Variants in KCNAB1 observed in about 807,000 individuals in gnomAD.
KCNAB1 encodes the protein voltage-gated potassium channel subunit beta-1.
Under a neutral mutation model 64.6 loss-of-function variants are expected in KCNAB1, and 35 were observed. The ratio of observed to expected loss-of-function variants is 0.54; its 90% CI spans 0.41 to 0.72. The LOEUF is 0.72. Ranked by LOEUF, KCNAB1 falls within the 30% of genes least tolerant of loss-of-function variation. The pLI, the probability that KCNAB1 is intolerant of heterozygous loss-of-function variation, is 0.00. For missense variants in KCNAB1, 401 were observed against 512.9 expected, an observed-to-expected ratio of 0.78 and a Z score of 2.11; for synonymous variants, 177 against 183.8, an observed-to-expected ratio of 0.96 and a Z score of 0.30.
chr3:156,329,352 G>A (rs992416024), intron 1 of KCNAB1, among the ~76,000 whole-genome samples: 3 of 152,114 alleles, frequency 2.0e-5, no homozygotes, highest in African/African-American at 7.2e-5. Context: ...TGCTGGGGCA[G>A]GGGTGGGGGA....
chr3:156,143,185 C>T, intron 1 of KCNAB1: 7 of 1,589,770 alleles, frequency 4.4e-6, no homozygotes, highest in African/African-American at 1.4e-5. Context: ...AAACATGCAT[C>T]TGTATAAACC....
intron 1 of KCNAB1, among the ~76,000 whole-genome samples, chr3:156,405,392 G>A (rs190097103): frequency 3.1e-4 from 47 of 152,294 alleles, no homozygotes; most frequent in South Asian, 2.7e-3. Flanking sequence ...ACAAGGGTTC[G>A]TCTTACCCAT....
intron 1 of KCNAB1, among the ~76,000 whole-genome samples, chr3:156,329,487 G>A (rs138628904): frequency 0.014 from 2,145 of 152,200 alleles, 21 homozygotes; most frequent in South Asian, 0.031. Context: ...CCAACAGCTG[G>A]GCCTTATGCA....
At chr3:156,391,975 A>G (rs1404524978) in intron 1 of KCNAB1, among the ~76,000 whole-genome samples, 2 of 152,188 alleles carry the variant, frequency 1.3e-5, no homozygotes, top group East Asian at 1.9e-4. Flanking sequence ...TAGGTAAGAA[A>G]TACATCGATT....
At chr3:156,349,824 C>T (rs1266693858) in intron 1 of KCNAB1, among the ~76,000 whole-genome samples, 3 of 152,286 alleles carry the variant, frequency 2.0e-5, no homozygotes, top group East Asian at 3.9e-4. Context: ...GTCAGCCTCC[C>T]GAAGTGTTAG....
intron 8 of KCNAB1, among the ~76,000 whole-genome samples, chr3:156,486,359 G>A (rs573735179): frequency 6.6e-6 from 1 of 152,114 alleles, no homozygotes; most frequent in African/African-American, 2.4e-5. Context: ...TTGAGAGAGG[G>A]GAGTAAAGGG....
At chr3:156,176,165 T>C in intron 1 of KCNAB1, 1 of 772,692 alleles carries the variant, frequency 1.3e-6, no homozygotes, top group South Asian at 1.3e-5. Context: ...TCCATTGCAT[T>C]GGACAAGAGA....
intron 8 of KCNAB1, among the ~76,000 whole-genome samples, chr3:156,476,547 GCACA>G (rs1187608350): frequency 6.1e-4 from 74 of 120,958 alleles, no homozygotes; most frequent in Non-Finnish European, 1.0e-4. Flanking sequence ...ACACACACAC[GCACA>G]CACACACACA....
At chr3:156,476,580 T>C (rs527776364) in intron 8 of KCNAB1, among the ~76,000 whole-genome samples, 121 of 131,190 alleles carry the variant, frequency 9.2e-4, no homozygotes, top group African/African-American at 3.3e-3. Context: ...CACACACACA[T>C]ATATACACAC....
chr3:156,535,750 G>A (rs1038562542), intron 13 of KCNAB1, among the ~76,000 whole-genome samples: 7 of 152,016 alleles, frequency 4.6e-5, no homozygotes, highest in Non-Finnish European at 7.4e-5. Context: ...CTGCTCCACT[G>A]CCCTAGTTAA....
rs1039040189 is a variant in KCNAB1 at position 156,537,592 on chromosome 3, A to T, written c.*845A>T. ...GCTATGGAAACTTAGCTTCAAAGAAAATGCAATGTATCTGCAATTAGGTGT... is the reference window on the plus strand; with the variant it reads ...GCTATGGAAACTTAGCTTCAAAGAATATGCAATGTATCTGCAATTAGGTGT... On this transcript the variant is annotated 3_prime_UTR_variant, in exon 14 of 14. Coordinates refer to ENST00000490337, the MANE Select transcript of KCNAB1 (RefSeq NM_172160.3). 1 of 152,698 alleles carries T rather than the reference A, an allele frequency of 6.5e-6. No homozygotes were observed. The highest frequency in any genetic ancestry group is 2.4e-5 in the African/African-American group (1 of 41,470). The allele number at this position is 152,698 out of a possible 1,614,324, so 9.5% of individuals were successfully genotyped here. A position where few individuals can be genotyped will look rare whatever the true frequency, so the allele number is the denominator to read the frequency against.
At chr3:156,210,459 C>CAGAT (rs1234849314) in intron 1 of KCNAB1, among the ~76,000 whole-genome samples, 3 of 152,176 alleles carry the variant, frequency 2.0e-5, no homozygotes, top group Non-Finnish European at 4.4e-5. Flanking sequence ...AGGGCTCCAG[C>CAGAT]AGATAGAGGT....
rs540015790 is a variant in KCNAB1 at position 156,220,589 on chromosome 3, T to G, written c.275+99703T>G. On this transcript the variant is annotated intron_variant, in intron 1 of 13. Transcript: ENST00000490337. Reference sequence around the variant, plus strand: ...TTTGATTTTTTCTTGTAAATTTGTTTAAGTTCTTTGTAGATTCTGGATATT... The same window carrying G: ...TTTGATTTTTTCTTGTAAATTTGTTGAAGTTCTTTGTAGATTCTGGATATT... Among the ~76,000 whole-genome samples the G allele has an allele frequency of 1.8e-3, 280 of 151,758 alleles. 2 individuals carry two copies. Among genetic ancestry groups the G allele is most frequent in the Middle Eastern group, 0.01 (3 of 292 alleles).
At chr3:156,380,047 T>C (rs11708859) in intron 1 of KCNAB1, among the ~76,000 whole-genome samples, 22,715 of 152,098 alleles carry the variant, frequency 0.15, 1,926 homozygotes, top group Middle Eastern at 0.21. Flanking sequence ...CTACACCTCA[T>C]AATTCTAGAT....
chr3:156,296,515 G>T lies in KCNAB1; in HGVS notation c.276-125101G>T, dbSNP rs1330175078. ...TTGAGATGGAGTCTCGCTCTGTAGCGCAGGCTGGAGGGCAGTGGCGCCGTC... is the reference window on the plus strand; with the variant it reads ...TTGAGATGGAGTCTCGCTCTGTAGCTCAGGCTGGAGGGCAGTGGCGCCGTC... On this transcript the variant is annotated intron_variant, in intron 1 of 13. Coordinates refer to ENST00000490337, the MANE Select transcript of KCNAB1 (RefSeq NM_172160.3). Among the ~76,000 whole-genome samples the T allele has an allele frequency of 9.2e-4, 120 of 130,332 alleles. 1 individual carries two copies. The highest frequency in any genetic ancestry group is 1.1e-3 in the Non-Finnish European group (69 of 64,390). 85.5% of individuals were successfully genotyped at this position (130,332 alleles called of 152,430 possible).
intron 1 of KCNAB1, among the ~76,000 whole-genome samples, chr3:156,412,827 G>A (rs1714767801): frequency 6.6e-6 from 1 of 152,156 alleles, no homozygotes; most frequent in South Asian, 2.1e-4. Flanking sequence ...TGGATTTGCT[G>A]GCTCTTCAGG....
intron 1 of KCNAB1, among the ~76,000 whole-genome samples, chr3:156,238,729 A>AT (rs1323478297): frequency 1.3e-5 from 2 of 152,110 alleles, no homozygotes; most frequent in African/African-American, 2.4e-5. Context: ...TCTAAATAGC[A>AT]TTGCTTGTTG....
At chr3:156,142,180 A>G (rs7629439) in intron 1 of KCNAB1, among the ~76,000 whole-genome samples, 104,933 of 152,096 alleles carry the variant, frequency 0.69, 36,513 homozygotes, top group Admixed American at 0.78. Flanking sequence ...GTTTGCAAAT[A>G]TTTTCTCCCA....
intron 1 of KCNAB1, among the ~76,000 whole-genome samples, chr3:156,132,908 T>C: frequency 6.6e-6 from 1 of 152,240 alleles, no homozygotes; most frequent in African/African-American, 2.4e-5. Flanking sequence ...TCTGAGTCAC[T>C]ATCCTCAGTC....
Sources: gnomAD v4.1 joint callset for allele counts (sites outside exome capture counted in the v4.1 genomes callset) on GRCh38, gnomAD v4.1.1 for gene constraint, MANE v1.5 for transcripts, NCBI Gene and HGNC (gene_info 2026-07-23, HGNC 2026-07-21) for gene names.